Variants in MCUR1 observed in about 807,000 individuals in gnomAD.
MCUR1 encodes mitochondrial calcium uniporter regulator 1.
Under a neutral mutation model 42.0 loss-of-function variants are expected in MCUR1, and 37 were observed. That is an observed-to-expected ratio of 0.88 (90% confidence interval 0.68 to 1.16). MCUR1 has a LOEUF of 1.16. Among genes scored for constraint, MCUR1 ranks in the 50% most tolerant of loss-of-function variants. The pLI, the probability that MCUR1 is intolerant of heterozygous loss-of-function variation, is 0.00. For missense variants in MCUR1, 469 were observed against 468.4 expected (o/e 1.00, Z -0.01); for synonymous variants, 229 against 196.2 (o/e 1.17, Z -1.40).
chr6:13,798,828 C>G lies in MCUR1; in HGVS notation c.855+5G>C. ...TCATAATGTGTTTTTAGTAAAGGAA[C>G]GTACCAATTCTTTTACTCTGCTCTT... On this transcript the variant is annotated splice_donor_5th_base_variant and intron_variant, in intron 6 of 8. Transcript: ENST00000379170. The G allele has an allele frequency of 6.2e-7, 1 of 1,607,552 alleles. No individual in the cohort carries two copies. The highest frequency in any genetic ancestry group is 1.3e-5 in the African/African-American group (1 of 74,856).
Position 13,814,499 on chromosome 6 carries a change from A to G in MCUR1, c.-70T>C. 7.4e-7 allele frequency: 1 copy of G among 1,360,514 alleles called. No homozygotes were observed. Among genetic ancestry groups the G allele is most frequent in the Non-Finnish European group, 9.4e-7 (1 of 1,060,302 alleles). The allele number at this position is 1,360,514 out of a possible 1,614,324, so 84.3% of individuals were successfully genotyped here. A position where few individuals can be genotyped will look rare whatever the true frequency, so the allele number is the denominator to read the frequency against. On this transcript the variant is annotated 5_prime_UTR_variant, in exon 1 of 9. Transcript: ENST00000379170. ...TTTTGGCGCCGGCCACGCGCGGTCCAGGCCCAGAGTCCGACAGCGGGAGCG... is the reference window on the plus strand; with the variant it reads ...TTTTGGCGCCGGCCACGCGCGGTCCGGGCCCAGAGTCCGACAGCGGGAGCG...
intron 1 of MCUR1, among the ~76,000 whole-genome samples, chr6:13,808,877 A>G (rs1584990354): frequency 6.6e-6 from 1 of 152,078 alleles, no homozygotes; most frequent in East Asian, 1.9e-4. Flanking sequence ...CGCCAGTGCC[A>G]CACTTTCTTG....
intron 2 of MCUR1, among the ~76,000 whole-genome samples, chr6:13,805,876 A>G (rs1760101687): frequency 6.6e-6 from 1 of 152,234 alleles, no homozygotes. Context: ...TCTAAGTCTA[A>G]AGTGCATTTT....
intron 5 of MCUR1, among the ~76,000 whole-genome samples, chr6:13,800,121 A>G (rs1287160747): frequency 1.3e-5 from 2 of 152,042 alleles, no homozygotes; most frequent in Non-Finnish European, 2.9e-5. Context: ...ATGAGCCACC[A>G]TGCCTGGCCA....
At chr6:13,809,524 AG>A (rs1760184536) in intron 1 of MCUR1, among the ~76,000 whole-genome samples, 2 of 152,090 alleles carry the variant, frequency 1.3e-5, no homozygotes, top group South Asian at 4.1e-4. Context: ...TCTTGTTTCA[AG>A]GTACTCATCT....
At chr6:13,808,295 T>C (rs1039074058) in intron 1 of MCUR1, among the ~76,000 whole-genome samples, 6 of 152,178 alleles carry the variant, frequency 3.9e-5, no homozygotes, top group African/African-American at 1.4e-4. Context: ...TATCTCCTTA[T>C]AGCAGCACAA....
intron 7 of MCUR1, 108 bp downstream of exon 7, chr6:13,793,786 T>C (rs1561729404): frequency 1.1e-6 from 1 of 933,798 alleles, no homozygotes; most frequent in Non-Finnish European, 1.7e-6. Context: ...AAAATTCCCA[T>C]GACAGTAAAC....
In MCUR1 at chr6:13,802,338, T is replaced by C. The variant is rs764712741; in HGVS notation, c.544A>G (p.Thr182Ala). 2 of 1,613,004 alleles carry C rather than the reference T, an allele frequency of 1.2e-6. No individual in the cohort carries two copies. Among genetic ancestry groups the C allele is most frequent in the Non-Finnish European group, 1.7e-6 (2 of 1,179,360 alleles). Residue 182 changes from threonine (T) to alanine (A), a missense_variant, in exon 3 of 9, where the codon ACT becomes GCT. Thr to Ala is a moderately conservative substitution (Grantham distance 58, BLOSUM62 0). Coordinates refer to ENST00000379170, the MANE Select transcript of MCUR1 (RefSeq NM_001031713.4). ...GACACAATGATTTCTGCTTGTTGAGTAGCAAACCCTAAGCAAGCACACAAG... is the reference window on the plus strand; with the variant it reads ...GACACAATGATTTCTGCTTGTTGAGCAGCAAACCCTAAGCAAGCACACAAG... ...VCLLEDNGFA[T>A]QQAEIIVSAL...
intron 1 of MCUR1, among the ~76,000 whole-genome samples, chr6:13,809,760 G>T (rs560933724): frequency 1.3e-5 from 2 of 151,980 alleles, no homozygotes; most frequent in South Asian, 4.2e-4. Context: ...CGAGTGTGGT[G>T]GTGTGTGCCT....
intron 2 of MCUR1, among the ~76,000 whole-genome samples, chr6:13,804,529 C>G (rs1760072559): frequency 2.0e-5 from 3 of 151,696 alleles, no homozygotes; most frequent in Non-Finnish European, 4.4e-5. Flanking sequence ...AATCCCAGCA[C>G]TTTGGGAGGC....
intron 3 of MCUR1, 148 bp from the exon 4 acceptor site, chr6:13,801,537 G>A (rs1759990420): frequency 1.7e-6 from 1 of 585,684 alleles, no homozygotes; most frequent in Admixed American, 3.2e-5. Flanking sequence ...TCCAAAAGGG[G>A]AAAAGGAAAA....
intron 2 of MCUR1, among the ~76,000 whole-genome samples, chr6:13,802,579 C>T (rs988016424): frequency 3.9e-5 from 6 of 152,052 alleles, no homozygotes; most frequent in South Asian, 2.1e-4. Context: ...ATCTGTAAGT[C>T]GTTCCTAGCT....
At chr6:13,805,945 T>G (rs1193413371) in intron 2 of MCUR1, among the ~76,000 whole-genome samples, 3 of 152,142 alleles carry the variant, frequency 2.0e-5, no homozygotes, top group Non-Finnish European at 4.4e-5. Context: ...ACGAAGAATG[T>G]TAGCCTGAGT....
chr6:13,811,537 C>T (rs1760234535), intron 1 of MCUR1, among the ~76,000 whole-genome samples: 1 of 151,924 alleles, frequency 6.6e-6, no homozygotes, highest in African/African-American at 2.4e-5. Flanking sequence ...GAGAAGAGAC[C>T]CAGGATGTCT....
At chr6:13,803,341 G>A (rs1348371483) in intron 2 of MCUR1, among the ~76,000 whole-genome samples, 1 of 152,336 alleles carries the variant, frequency 6.6e-6, no homozygotes, top group Non-Finnish European at 1.5e-5. Context: ...GATTACAGGC[G>A]CAAGCCACCA....
chr6:13,792,043 C>T, intron 7 of MCUR1, 51 bp from the exon 8 acceptor site: 1 of 1,369,272 alleles, frequency 7.3e-7, no homozygotes. Flanking sequence ...GTCCCCTCTG[C>T]TCACCATCCT....
intron 3 of MCUR1, among the ~76,000 whole-genome samples, chr6:13,801,835 T>C (rs1337169740): frequency 2.0e-5 from 3 of 151,810 alleles, no homozygotes; most frequent in Admixed American, 6.6e-5. Flanking sequence ...CCTGGGCAAA[T>C]GAGTGATACC....
rs6940337 is a variant in MCUR1, at chr6:13,789,105, G to C, written c.*1704C>G. On this transcript the variant is annotated 3_prime_UTR_variant, in exon 9 of 9. Coordinates refer to ENST00000379170, the MANE Select transcript of MCUR1 (RefSeq NM_001031713.4). ...TCTCTTGCCCATGTGCCAGTAATTT[G>C]AATAAGATGAGAATGGGCCAGGCGC... 7,057 of 152,268 alleles carry C rather than the reference G, an allele frequency of 0.046. 206 individuals carry two copies. The highest frequency in any genetic ancestry group is 0.079 in the African/African-American group (3,271 of 41,548). 9.4% of individuals were successfully genotyped at this position (152,268 alleles called of 1,614,324 possible).
intron 1 of MCUR1, among the ~76,000 whole-genome samples, chr6:13,813,717 C>T (rs1760289592): frequency 6.6e-6 from 1 of 152,358 alleles, no homozygotes; most frequent in South Asian, 2.1e-4. Flanking sequence ...GAAGGCGGCG[C>T]CCAAAAGCAG....
Sources: allele counts gnomAD v4.1 joint callset (sites outside exome capture counted in the v4.1 genomes callset), GRCh38; gene constraint gnomAD v4.1.1; transcripts MANE v1.5; gene names NCBI Gene and HGNC (gene_info 2026-07-23, HGNC 2026-07-21).